Variants in NKD1 observed in about 807,000 individuals in gnomAD.
The protein encoded by NKD1 is protein naked cuticle homolog 1.
A neutral mutation model predicts 56.0 loss-of-function variants in NKD1; 21 were observed. That is an observed-to-expected ratio of 0.38 (90% confidence interval 0.27 to 0.54). The LOEUF (loss-of-function observed/expected upper bound fraction) is 0.54, where lower values mean the gene tolerates loss of function less well. Among genes scored for constraint, NKD1 ranks in the 20% least tolerant of loss-of-function variants. The pLI is 0.82. For synonymous variants in NKD1, 263 were observed against 265.7 expected (o/e 0.99, Z 0.10); for missense variants, 578 against 642.7 (o/e 0.90, Z 1.09).
At chr16:50,582,492 A>G (rs1342314020) in intron 3 of NKD1, among the ~76,000 whole-genome samples, 3 of 152,194 alleles carry the variant, frequency 2.0e-5, no homozygotes, top group Non-Finnish European at 4.4e-5. Flanking sequence ...GGAGAGGAAC[A>G]TTGCCATTCA....
intron 3 of NKD1, among the ~76,000 whole-genome samples, chr16:50,554,378 G>C (rs931525781): frequency 6.6e-6 from 1 of 152,108 alleles, no homozygotes; most frequent in Non-Finnish European, 1.5e-5. Context: ...AACTGTCCCC[G>C]CGAGGGCAGG....
At chr16:50,557,528 C>T (rs886820032) in intron 3 of NKD1, 9 of 152,168 alleles carry the variant, frequency 5.9e-5, no homozygotes, top group African/African-American at 1.7e-4. Context: ...TCCTTCAACT[C>T]CTGGCTTTCT....
chr16:50,614,128 A>G (rs1419182548), intron 4 of NKD1, among the ~76,000 whole-genome samples: 2 of 152,140 alleles, frequency 1.3e-5, no homozygotes, highest in Admixed American at 6.5e-5. Context: ...AAAGCTGGAA[A>G]TCACCCTAGA....
intron 3 of NKD1, among the ~76,000 whole-genome samples, chr16:50,559,986 G>A (rs544202941): frequency 4.4e-4 from 67 of 152,302 alleles, no homozygotes; most frequent in Non-Finnish European, 3.5e-4. Flanking sequence ...CTCGGCTTGC[G>A]GTGGCTCCAG....
intron 1 of NKD1, 35 bp from the exon 2 acceptor site, chr16:50,548,682 G>T: frequency 6.9e-7 from 1 of 1,439,030 alleles, no homozygotes; most frequent in South Asian, 1.4e-5. Flanking sequence ...CGCCGCGGCT[G>T]CCGCCGCCGC....
At chr16:50,564,030 G>A (rs1237688360) in intron 3 of NKD1, among the ~76,000 whole-genome samples, 1 of 152,276 alleles carries the variant, frequency 6.6e-6, no homozygotes, top group African/African-American at 2.4e-5. Context: ...AGGCGTCAAA[G>A]GAGTGCAAAG....
rs1262852456 is a variant in NKD1, at chr16:50,598,839, A to G, written c.193-9455A>G. ...CGATGTGCAGTGGCATGGTAGAGTC[A>G]GTGGTGCAATGTTCAGTGGTGTGGC... is the stretch of plus-strand genomic sequence containing the variant. On this transcript the variant is annotated intron_variant, in intron 3 of 9. Coordinates refer to ENST00000268459, the MANE Select transcript of NKD1 (RefSeq NM_033119.5). This position sits in a 1 kb window ranked among gnomAD's most constrained non-coding sequence, Gnocchi z 4.2. 6.7e-6 allele frequency among the ~76,000 whole-genome samples: 1 copy of G among 150,002 alleles called. No individual in the cohort carries two copies. Among genetic ancestry groups the G allele is most frequent in the Admixed American group, 6.6e-5 (1 of 15,120 alleles).
In NKD1 at chr16:50,647,153, G is replaced by T. The variant is rs150342874; in HGVS notation, c.*13372G>T. On this transcript the variant is annotated 3_prime_UTR_variant, in exon 10 of 10. Transcript: ENST00000268459. The stretch of plus-strand genomic sequence containing the variant: ...ATGATGGGATGGTGGTGTGGTCTCT[G>T]TAGTTGACCCCATCATCCTTTCTGT... 6.6e-6 allele frequency: 1 copy of T among 152,352 alleles called. No homozygotes were observed. The highest frequency in any genetic ancestry group is 1.5e-5 in the Non-Finnish European group (1 of 68,038). The allele number at this position is 152,352 out of a possible 1,614,324, so 9.4% of individuals were successfully genotyped here.
At chr16:50,617,092 C>T (rs1961978162) in intron 4 of NKD1, among the ~76,000 whole-genome samples, 1 of 152,170 alleles carries the variant, frequency 6.6e-6, no homozygotes, top group South Asian at 2.1e-4. Context: ...GTGGGCTGTG[C>T]CATCCTGCTC....
intron 3 of NKD1, among the ~76,000 whole-genome samples, chr16:50,579,415 T>C (rs1961063642): frequency 6.9e-6 from 1 of 145,638 alleles, no homozygotes; most frequent in African/African-American, 2.6e-5. Context: ...GTCTTAGTCC[T>C]GCGGGCTACC....
intron 3 of NKD1, among the ~76,000 whole-genome samples, chr16:50,579,126 C>T (rs1040046383): frequency 1.3e-5 from 2 of 150,470 alleles, no homozygotes; most frequent in Non-Finnish European, 3.0e-5. Context: ...CACTGTCTTA[C>T]TCCTGCGGGC....
At chr16:50,603,482 C>G (rs565248682) in intron 3 of NKD1, among the ~76,000 whole-genome samples, 5 of 152,346 alleles carry the variant, frequency 3.3e-5, no homozygotes, top group Non-Finnish European at 5.9e-5. Flanking sequence ...CCCTGCCCCC[C>G]TCCTCTTTCC....
rs1401581094 is a variant in NKD1, at chr16:50,617,056, C to T, written c.260-4546C>T. 3.9e-5 allele frequency among the ~76,000 whole-genome samples: 6 copies of T among 152,182 alleles called. No homozygotes were observed. In the South Asian group the frequency reaches 6.2e-4, roughly 16 times the overall value. Reference sequence around the variant, plus strand: ...CCTTCTTCTCTTGCTGTTTGGGTGGCGCCAGCTGTCAGCAGCTTGGGCTGG... The same window carrying T: ...CCTTCTTCTCTTGCTGTTTGGGTGGTGCCAGCTGTCAGCAGCTTGGGCTGG... On this transcript the variant is annotated intron_variant, in intron 4 of 9. Coordinates refer to ENST00000268459, the MANE Select transcript of NKD1 (RefSeq NM_033119.5).
intron 3 of NKD1, among the ~76,000 whole-genome samples, chr16:50,594,621 A>T (rs1961435773): frequency 6.6e-6 from 1 of 152,194 alleles, no homozygotes; most frequent in Admixed American, 6.5e-5. Context: ...TCTGGGGTAT[A>T]AATTATGCTT....
chr16:50,568,912 T>A (rs771663794), intron 3 of NKD1, among the ~76,000 whole-genome samples: 5 of 152,194 alleles, frequency 3.3e-5, no homozygotes, highest in Non-Finnish European at 7.3e-5. Flanking sequence ...GTGTGCCTGA[T>A]AAGGAGATGG....
chr16:50,574,668 C>T (rs941716366), intron 3 of NKD1: 12 of 985,328 alleles, frequency 1.2e-5, no homozygotes, highest in African/African-American at 5.2e-5. Context: ...GGTCCCCTCC[C>T]CACCTCCTTG....
At chr16:50,615,097 A>T (rs1033396287) in intron 4 of NKD1, among the ~76,000 whole-genome samples, 1 of 152,122 alleles carries the variant, frequency 6.6e-6, no homozygotes, top group African/African-American at 2.4e-5. Flanking sequence ...AGCTCTGGGG[A>T]GGAAAGCCAG....
At chr16:50,566,865 A>G (rs1960770346) in intron 3 of NKD1, among the ~76,000 whole-genome samples, 3 of 152,300 alleles carry the variant, frequency 2.0e-5, no homozygotes, top group Admixed American at 2.0e-4. Context: ...TTTAACCCTC[A>G]AGGAGTGAGT....
intron 6 of NKD1, among the ~76,000 whole-genome samples, chr16:50,626,697 T>C (rs1962224115): frequency 6.6e-6 from 1 of 152,062 alleles, no homozygotes; most frequent in Non-Finnish European, 1.5e-5. Context: ...CGCTGGAGGG[T>C]TGGTATCCTT....
Sources: allele counts gnomAD v4.1 joint callset (sites outside exome capture counted in the v4.1 genomes callset), GRCh38; gene constraint gnomAD v4.1.1; non-coding constraint Gnocchi (gnomAD v3.1); transcripts MANE v1.5; gene names NCBI Gene and HGNC (gene_info 2026-07-23, HGNC 2026-07-21).